Variants in GPC6 observed in about 807,000 individuals in gnomAD.
The protein encoded by GPC6 is glypican-6.
In GPC6, 14 loss-of-function variants were observed where a neutral mutation model predicts 55.2. The observed-to-expected ratio is 0.25, with a 90% CI of 0.17 to 0.40. The LOEUF is 0.40. Ranked by LOEUF, GPC6 falls within the 10% of genes least tolerant of loss-of-function variation. The pLI, the probability that GPC6 is intolerant of heterozygous loss-of-function variation, is 1.00. For missense variants in GPC6, 641 were observed against 708.5 expected (o/e 0.90, Z 1.08); for synonymous variants, 278 against 259.6 (o/e 1.07, Z -0.68).
chr13:93,388,570 AGC>A (rs2139214235), intron 1 of GPC6, among the ~76,000 whole-genome samples: 1 of 152,324 alleles, frequency 6.6e-6, no homozygotes, highest in East Asian at 1.9e-4. Flanking sequence ...TGAATAGAGT[AGC>A]TTTCTCTCAA....
intron 5 of GPC6, among the ~76,000 whole-genome samples, chr13:94,297,129 C>T (rs1300755038): frequency 6.6e-6 from 1 of 152,130 alleles, no homozygotes; most frequent in African/African-American, 2.4e-5. Flanking sequence ...GAAGATTTCT[C>T]AGATGCTCCA....
intron 1 of GPC6, among the ~76,000 whole-genome samples, chr13:93,533,677 T>C (rs1881948509): frequency 6.6e-6 from 1 of 152,104 alleles, no homozygotes; most frequent in African/African-American, 2.4e-5. Flanking sequence ...TATTGGGGTG[T>C]AGGACACGGG....
At position 93,809,588 on chromosome 13, in the gene GPC6, T is replaced by C. The variant is rs573919040; in HGVS notation, c.320-20566T>C. On this transcript the variant is annotated intron_variant, in intron 2 of 8. Coordinates refer to ENST00000377047, the MANE Select transcript of GPC6 (RefSeq NM_005708.5). ...TTCTCTAGTTGTTTCTCGCTGAACC[T>C]GGAACATTTGCACATATGTGCCCAC... 2.6e-5 allele frequency among the ~76,000 whole-genome samples: 4 copies of C among 152,334 alleles called. No homozygotes were observed. The East Asian group carries it at 7.7e-4, about 29-fold the overall frequency.
At chr13:94,218,260 G>A (rs1890280524) in intron 4 of GPC6, among the ~76,000 whole-genome samples, 1 of 152,134 alleles carries the variant, frequency 6.6e-6, no homozygotes, top group Admixed American at 6.5e-5. Flanking sequence ...AGACAGCATA[G>A]CTGCAAGATA....
intron 2 of GPC6, among the ~76,000 whole-genome samples, chr13:93,777,392 C>A (rs926665296): frequency 5.3e-5 from 8 of 152,184 alleles, no homozygotes; most frequent in African/African-American, 1.7e-4. Flanking sequence ...CTAAACAGAG[C>A]AAATCACATC....
chr13:94,061,089 A>G (rs1045154475), intron 4 of GPC6, among the ~76,000 whole-genome samples: 6 of 152,214 alleles, frequency 3.9e-5, no homozygotes, highest in Non-Finnish European at 8.8e-5. Context: ...AAGTGAAAAT[A>G]TGTAAGCAAT....
At chr13:93,443,720 TGTAA>T (rs1193736476) in intron 1 of GPC6, among the ~76,000 whole-genome samples, 1 of 152,180 alleles carries the variant, frequency 6.6e-6, no homozygotes, top group Non-Finnish European at 1.5e-5. Flanking sequence ...GGGACTGTTA[TGTAA>T]GGTGTCCAAT....
At chr13:94,189,201 A>G (rs1459086286) in intron 4 of GPC6, among the ~76,000 whole-genome samples, 2 of 151,986 alleles carry the variant, frequency 1.3e-5, no homozygotes, top group African/African-American at 4.8e-5. Context: ...CTGCTTGGTA[A>G]GTCTGTGTGT....
chr13:93,726,604 AC>A (rs1372861870), intron 2 of GPC6, among the ~76,000 whole-genome samples: 1 of 151,858 alleles, frequency 6.6e-6, no homozygotes, highest in Non-Finnish European at 1.5e-5. Flanking sequence ...TTTTTTCTAA[AC>A]CTGTTTTAGT....
rs147988812 is a variant in GPC6, at chr13:94,240,624, TAAATAAAATA to T, written c.878-45702_878-45693del. Among the ~76,000 whole-genome samples, 1,010 of 149,736 alleles carry T rather than the reference TAAATAAAATA, an allele frequency of 6.7e-3. 15 individuals are homozygous for T. Among genetic ancestry groups the T allele is most frequent in the African/African-American group, 0.023 (939 of 40,640 alleles). On this transcript the variant is annotated intron_variant, in intron 4 of 8. Coordinates refer to ENST00000377047, the MANE Select transcript of GPC6 (RefSeq NM_005708.5). ...TATTCCAGTGTTGGGAGACAGAAAG[TAAATAAAATA>T]AAATAAAATAAAATAAAATAAATAA... is the stretch of plus-strand genomic sequence containing the variant.
intron 4 of GPC6, among the ~76,000 whole-genome samples, chr13:94,085,544 A>G (rs1885252682): frequency 6.6e-6 from 1 of 152,140 alleles, no homozygotes; most frequent in East Asian, 1.9e-4. Flanking sequence ...CTTTCGGGAT[A>G]TAATAAGAGT....
At chr13:94,092,631 C>T (rs1885530613) in intron 4 of GPC6, among the ~76,000 whole-genome samples, 1 of 151,994 alleles carries the variant, frequency 6.6e-6, no homozygotes, top group African/African-American at 2.4e-5. Flanking sequence ...CTGATATTTC[C>T]TTTAGATATA....
At position 94,166,456 on chromosome 13, in the gene GPC6, C is replaced by T. The variant is rs899210546; in HGVS notation, c.878-119893C>T. On this transcript the variant is annotated intron_variant, in intron 4 of 8. Transcript: ENST00000377047. Reference sequence around the variant, plus strand: ...TTGCAACCTGAGCCTGAATTCCACTCTCCATAATAGGCCTGCGCCTCATCC... The same window carrying T: ...TTGCAACCTGAGCCTGAATTCCACTTTCCATAATAGGCCTGCGCCTCATCC... Among the ~76,000 whole-genome samples the T allele has an allele frequency of 7.9e-5, 12 of 152,166 alleles. No individual in the cohort carries two copies. The South Asian group carries it at 8.3e-4, about 10-fold the overall frequency.
At chr13:93,528,695 T>G (rs889212516) in intron 1 of GPC6, among the ~76,000 whole-genome samples, 1 of 152,166 alleles carries the variant, frequency 6.6e-6, no homozygotes, top group Non-Finnish European at 1.5e-5. Flanking sequence ...GGTCTGAAAT[T>G]TGCAACATAT....
chr13:94,406,124 C>A lies in GPC6; in HGVS notation c.*2907C>A, dbSNP rs1053941716. 3.3e-5 allele frequency: 5 copies of A among 152,078 alleles called. No individual in the cohort carries two copies. Among genetic ancestry groups the A allele is most frequent in the African/African-American group, 1.2e-4 (5 of 41,424 alleles). The allele number at this position is 152,078 out of a possible 1,614,324, so 9.4% of individuals were successfully genotyped here. A position where few individuals can be genotyped will look rare whatever the true frequency, so the allele number is the denominator to read the frequency against. ...TAGAGAGGAATGGGCTCACTGAAAC[C>A]TGACACTAGAAATTGGTGGGTGATG... On this transcript the variant is annotated 3_prime_UTR_variant, in exon 9 of 9. Coordinates refer to ENST00000377047, the MANE Select transcript of GPC6 (RefSeq NM_005708.5).
At chr13:93,912,007 C>T (rs555807009) in intron 3 of GPC6, among the ~76,000 whole-genome samples, 1 of 152,216 alleles carries the variant, frequency 6.6e-6, no homozygotes, top group South Asian at 2.1e-4. Flanking sequence ...AAGCATCATC[C>T]AGATGACAGA....
At chr13:93,767,257 T>G (rs1024190549) in intron 2 of GPC6, among the ~76,000 whole-genome samples, 1 of 152,176 alleles carries the variant, frequency 6.6e-6, no homozygotes, top group African/African-American at 2.4e-5. Context: ...AGTTGCTATT[T>G]AATGCACCAT....
intron 4 of GPC6, chr13:94,187,140 A>G (rs1252157920): frequency 1.3e-5 from 2 of 152,176 alleles, no homozygotes; most frequent in Non-Finnish European, 2.9e-5. Context: ...GAAAGAGCCC[A>G]GGAAGAAAGT....
chr13:94,049,620 G>A (rs926828057), intron 4 of GPC6, among the ~76,000 whole-genome samples: 1 of 151,990 alleles, frequency 6.6e-6, no homozygotes, highest in Non-Finnish European at 1.5e-5. Context: ...AATATATGTG[G>A]CACCTCCAGT....
Sources: gnomAD v4.1 joint callset for allele counts (sites outside exome capture counted in the v4.1 genomes callset) on GRCh38, gnomAD v4.1.1 for gene constraint, MANE v1.5 for transcripts, NCBI Gene and HGNC (gene_info 2026-07-23, HGNC 2026-07-21) for gene names.